The following TFF1 variants were observed in gnomAD, a reference collection of about 807,000 sequenced individuals.
TFF1 encodes trefoil factor 1.
TFF1 carries 8 observed loss-of-function variants against 7.7 expected under a neutral mutation model. The observed-to-expected ratio is 1.04, with a 90% CI of 0.61 to 1.87. The LOEUF is 1.87. Among genes scored for constraint, TFF1 ranks in the 40% most tolerant of loss-of-function variants. TFF1 has a pLI of 0.00. For synonymous variants in TFF1, 47 were observed against 44.8 expected, an observed-to-expected ratio of 1.05 and a Z score of -0.19; for missense variants, 120 against 113.4, an observed-to-expected ratio of 1.06 and a Z score of -0.26.
At chr21:42,365,036 A>G (rs1353814328) in intron 1 of TFF1, among the ~76,000 whole-genome samples, 1 of 152,156 alleles carries the variant, frequency 6.6e-6, no homozygotes, top group Non-Finnish European at 1.5e-5. Flanking sequence ...TGCCTCCGGC[A>G]GACTCTGTCT....
chr21:42,363,355 G>A lies in TFF1; in HGVS notation c.138C>T (p.Val46=), dbSNP rs1218020863. The part of the protein sequence containing the change: ...RERQNCGFPG[V]TPSQCANKGC... ...CCTTATTTGCACACTGGGAGGGCGT[G>A]ACACCAGGAAAACCACAATTCTGTC... The change falls in exon 2 of 3, where the codon GTC becomes GTT. Residue 46 remains valine (V), a synonymous_variant. Transcript: ENST00000291527. 1.2e-6 allele frequency: 2 copies of A among 1,614,062 alleles called. No individual in the cohort carries two copies. The highest frequency in any genetic ancestry group is 2.2e-5 in the East Asian group (1 of 44,900).
At chr21:42,363,474 A>T (rs1331996747) in intron 1 of TFF1, 67 bp from the exon 2 acceptor site, 2 of 1,532,420 alleles carry the variant, frequency 1.3e-6, no homozygotes, top group Non-Finnish European at 1.8e-6. Flanking sequence ...TCATGCACAC[A>T]CCCATCCAGC....
chr21:42,364,005 G>T (rs1461011290), intron 1 of TFF1, among the ~76,000 whole-genome samples: 1 of 152,000 alleles, frequency 6.6e-6, no homozygotes, highest in East Asian at 1.9e-4. Context: ...TACTTGGGAG[G>T]CTGAGGCAGG....
chr21:42,366,280 T>C (rs2052278525), intron 1 of TFF1, 131 bp downstream of exon 1: 1 of 617,784 alleles, frequency 1.6e-6, no homozygotes, highest in Non-Finnish European at 2.7e-6. Flanking sequence ...AAATTGGATA[T>C]ACTTTTAAGG....
Position 42,366,512 on chromosome 21 carries a change from CA to C in TFF1, c.-18del. ...GGTGGCCATTGCCTCCTCTCTGCTC[CA>C]AAGGCGACCCCGAGTCAGGGATGAG... On this transcript the variant is annotated 5_prime_UTR_variant, in exon 1 of 3. Transcript: ENST00000291527. 1.2e-6 allele frequency: 2 copies of C among 1,602,002 alleles called. No homozygotes were observed. Among genetic ancestry groups the C allele is most frequent in the Non-Finnish European group, 1.7e-6 (2 of 1,171,426 alleles).
At chr21:42,362,764 T>C (rs1466929081) in intron 2 of TFF1, among the ~76,000 whole-genome samples, 2 of 151,950 alleles carry the variant, frequency 1.3e-5, no homozygotes, top group Non-Finnish European at 2.9e-5. Context: ...AAAAAAAATT[T>C]AGCTGGGCGT....
intron 1 of TFF1, among the ~76,000 whole-genome samples, chr21:42,364,674 T>C (rs376366943): frequency 1.3e-5 from 2 of 152,154 alleles, no homozygotes; most frequent in Non-Finnish European, 1.5e-5. Flanking sequence ...CCTTGGGGCA[T>C]AGGAGGGGAG....
Position 42,363,359 on chromosome 21 carries a change from C to T in TFF1, c.134G>A (p.Gly45Asp), listed in dbSNP as rs777682030. The T allele has an allele frequency of 8.7e-6, 14 of 1,614,138 alleles. No individual in the cohort carries two copies. In the South Asian group the frequency reaches 1.2e-4, roughly 14 times the overall value. The change falls in exon 2 of 3, where the codon GGT becomes GAT. Residue 45 changes from glycine (G) to aspartate (D), a missense_variant. Coordinates refer to ENST00000291527, the MANE Select transcript of TFF1 (RefSeq NM_003225.3). ...PRERQNCGFPGVTPSQCANKG... is the reference protein window; with the variant it reads ...PRERQNCGFPDVTPSQCANKG... ...ATTTGCACACTGGGAGGGCGTGACA[C>T]CAGGAAAACCACAATTCTGTCTTTC...
At chr21:42,365,820 C>T (rs528939746) in intron 1 of TFF1, among the ~76,000 whole-genome samples, 2 of 152,140 alleles carry the variant, frequency 1.3e-5, no homozygotes, top group Admixed American at 6.5e-5. Context: ...CCAGGGCAAC[C>T]GATCCACTTG....
rs571497302 is a variant in TFF1 at position 42,362,391 on chromosome 21, C to G, written c.*88G>C. On this transcript the variant is annotated 3_prime_UTR_variant, in exon 3 of 3. Transcript: ENST00000291527. ...GCTGCAGAAGCGTGTCTGAGGTGTC[C>G]GGTGGAGGTGGCAGCCGAGCTCTGG... is the stretch of plus-strand genomic sequence containing the variant. 11 of 1,463,242 alleles carry G rather than the reference C, an allele frequency of 7.5e-6. No homozygotes were observed. The East Asian group carries it at 2.7e-4, about 36-fold the overall frequency. 90.6% of individuals were successfully genotyped at this position (1,463,242 alleles called of 1,614,324 possible).
At chr21:42,365,902 T>C (rs2052275563) in intron 1 of TFF1, among the ~76,000 whole-genome samples, 1 of 152,060 alleles carries the variant, frequency 6.6e-6, no homozygotes, top group South Asian at 2.1e-4. Context: ...AGAGCATGGA[T>C]CCCAGGGGAG....
rs142874600 is a variant in TFF1 at position 42,366,436 on chromosome 21, G to A, written c.60C>T (p.Leu20=). ...CTGTCTGGGCCTCGGCCAGGGTGCC[G>A]AGGGCCAGCATGGACACCAGGACCA... The part of the protein sequence containing the change: ...CALVLVSMLA[L]GTLAEAQTET... Residue 20 remains leucine, a synonymous_variant, in exon 1 of 3, where the codon CTC becomes CTT. Transcript: ENST00000291527. 3.9e-5 allele frequency: 63 copies of A among 1,611,814 alleles called. No individual in the cohort carries two copies. The highest frequency in any genetic ancestry group is 1.2e-4 in the Admixed American group (7 of 59,958).
At chr21:42,362,623 G>T in intron 2 of TFF1, 128 bp from the exon 3 acceptor site, 1 of 1,169,842 alleles carries the variant, frequency 8.5e-7, no homozygotes, top group Non-Finnish European at 1.2e-6. Flanking sequence ...AACATGAACT[G>T]TCAGCCGGGC....
intron 1 of TFF1, among the ~76,000 whole-genome samples, chr21:42,364,718 G>T (rs1229922523): frequency 2.0e-5 from 3 of 152,202 alleles, no homozygotes; most frequent in African/African-American, 7.2e-5. Flanking sequence ...TCAGGTGAGG[G>T]CGCCCCAGGG....
At position 42,362,297 on chromosome 21, in the gene TFF1, T is replaced by G. The variant is rs1568867502; in HGVS notation, c.*182A>C. The G allele has an allele frequency of 3.1e-6, 2 of 638,232 alleles. No individual in the cohort carries two copies. Among genetic ancestry groups the G allele is most frequent in the Non-Finnish European group, 5.4e-6 (2 of 372,548 alleles). 39.5% of individuals were successfully genotyped at this position (638,232 alleles called of 1,614,324 possible). A position where few individuals can be genotyped will look rare whatever the true frequency, so the allele number is the denominator to read the frequency against. ...ACAGCACAGATTAATATCGATCTCT[T>G]TTAATTTTTAGGCCAATTTTGAGTA... On this transcript the variant is annotated 3_prime_UTR_variant, in exon 3 of 3. Coordinates refer to ENST00000291527, the MANE Select transcript of TFF1 (RefSeq NM_003225.3).
intron 1 of TFF1, among the ~76,000 whole-genome samples, chr21:42,366,053 CT>C (rs1159319685): frequency 6.6e-6 from 1 of 152,172 alleles, no homozygotes; most frequent in Non-Finnish European, 1.5e-5. Flanking sequence ...GGGTCTGCCC[CT>C]GGGGGAGATG....
At chr21:42,363,512 T>C in intron 1 of TFF1, 105 bp from the exon 2 acceptor site, 1 of 1,383,844 alleles carries the variant, frequency 7.2e-7, no homozygotes, top group Non-Finnish European at 9.7e-7. Context: ...TCAGCAACTG[T>C]CCAGTGAGGC....
At chr21:42,365,542 G>A (rs913220999) in intron 1 of TFF1, among the ~76,000 whole-genome samples, 4 of 152,182 alleles carry the variant, frequency 2.6e-5, no homozygotes, top group South Asian at 2.1e-4. Flanking sequence ...ACCACTGGGC[G>A]CTCCCTCTTC....
At position 42,363,316 on chromosome 21, in the gene TFF1, G is replaced by A. The variant is rs764427348; in HGVS notation, c.177C>T (p.Asp59=). The change falls in exon 2 of 3, where the codon GAC becomes GAT. Residue 59 remains aspartate, a synonymous_variant. Coordinates refer to ENST00000291527, the MANE Select transcript of TFF1 (RefSeq NM_003225.3). ...ACCAGGGGACCCCACGAACGGTGTCGTCGAAACAGCAGCCCTTATTTGCAC... is the reference window on the plus strand; with the variant it reads ...ACCAGGGGACCCCACGAACGGTGTCATCGAAACAGCAGCCCTTATTTGCAC... ...SQCANKGCCF[D]DTVRGVPWCF... 1.5e-5 allele frequency: 25 copies of A among 1,614,072 alleles called. No homozygotes were observed. The highest frequency in any genetic ancestry group is 1.2e-4 in the Admixed American group (7 of 60,000).
Sources: gnomAD v4.1 joint callset for allele counts (sites outside exome capture counted in the v4.1 genomes callset) on GRCh38, gnomAD v4.1.1 for gene constraint, MANE v1.5 for transcripts, NCBI Gene and HGNC (gene_info 2026-07-23, HGNC 2026-07-21) for gene names.